The following ERN1 variants were observed in gnomAD, a reference collection of about 807,000 sequenced individuals.
ERN1 encodes the protein serine/threonine-protein kinase/endoribonuclease IRE1.
ERN1 carries 39 observed loss-of-function variants against 113.1 expected under a neutral mutation model. The ratio of observed to expected loss-of-function variants is 0.34; its 90% confidence interval spans 0.27 to 0.45. The LOEUF (loss-of-function observed/expected upper bound fraction) is 0.45. Ranked by LOEUF, ERN1 falls within the 20% of genes least tolerant of loss-of-function variation. The pLI is 1.00. For missense variants in ERN1, 976 were observed against 1,274.8 expected (o/e 0.77, Z 3.57); for synonymous variants, 507 against 515.9 (o/e 0.98, Z 0.23).
chr17:64,125,650 A>T (rs543268605), intron 1 of ERN1, among the ~76,000 whole-genome samples: 19 of 152,098 alleles, frequency 1.2e-4, no homozygotes, highest in Non-Finnish European at 2.2e-4. Flanking sequence ...CACCTTGCCC[A>T]GCTAATTTTT....
At chr17:64,119,116 T>C (rs1475279632) in intron 1 of ERN1, among the ~76,000 whole-genome samples, 1 of 152,140 alleles carries the variant, frequency 6.6e-6, no homozygotes, top group Non-Finnish European at 1.5e-5. Context: ...TTCTTAAGCC[T>C]CTTAATATAT....
intron 12 of ERN1, among the ~76,000 whole-genome samples, chr17:64,057,239 C>A (rs1912899290): frequency 6.6e-6 from 1 of 152,202 alleles, no homozygotes; most frequent in Non-Finnish European, 1.5e-5. Flanking sequence ...CATCTTTGAG[C>A]AAGGCTTATA....
chr17:64,070,421 A>G (rs1205402377), intron 6 of ERN1, among the ~76,000 whole-genome samples: 1 of 152,168 alleles, frequency 6.6e-6, no homozygotes, highest in Non-Finnish European at 1.5e-5. Context: ...GAACACCACA[A>G]TTTCACCTGA....
At chr17:64,089,236 G>A (rs1459097136) in intron 2 of ERN1, among the ~76,000 whole-genome samples, 1 of 148,452 alleles carries the variant, frequency 6.7e-6, no homozygotes, top group Admixed American at 6.8e-5. Context: ...GGAGAATGGC[G>A]TGAACCTGGG....
At chr17:64,065,311 A>G (rs1355343468) in intron 8 of ERN1, 24 bp from the exon 9 acceptor site, 1 of 1,532,070 alleles carries the variant, frequency 6.5e-7, no homozygotes, top group South Asian at 1.2e-5. Context: ...AGATACATGC[A>G]TTCCAGAGTC....
intron 1 of ERN1, among the ~76,000 whole-genome samples, chr17:64,120,493 C>T (rs1053315582): frequency 2.0e-5 from 3 of 152,124 alleles, no homozygotes; most frequent in African/African-American, 7.2e-5. Flanking sequence ...AAATAATCCA[C>T]TGGAGAATGG....
Position 64,054,482 on chromosome 17 carries a change from C to A in ERN1, c.1764-43G>T. 6.6e-7 allele frequency: 1 copy of A among 1,525,808 alleles called. No individual in the cohort carries two copies. Among genetic ancestry groups the A allele is most frequent in the South Asian group, 1.2e-5 (1 of 81,836 alleles). 94.5% of individuals were successfully genotyped at this position (1,525,808 alleles called of 1,614,324 possible). On this transcript the variant is annotated intron_variant, in intron 14 of 21. Coordinates refer to ENST00000433197, the MANE Select transcript of ERN1 (RefSeq NM_001433.5). This position sits in a 1 kb window ranked among gnomAD's most constrained non-coding sequence, Gnocchi z 4.9. ...GGAGTTGTGTCTGGGAAGCACGAGT[C>A]AGGCTGTGTAAATGAGGTGAGAACC...
chr17:64,048,116 T>A, intron 18 of ERN1, 131 bp from the exon 19 acceptor site: 1 of 895,110 alleles, frequency 1.1e-6, no homozygotes, highest in Non-Finnish European at 1.6e-6. Context: ...ATAAAATAAT[T>A]AGGAACAGAC....
At chr17:64,073,637 A>AT (rs1913499512) in intron 5 of ERN1, among the ~76,000 whole-genome samples, 1 of 152,152 alleles carries the variant, frequency 6.6e-6, no homozygotes, top group African/African-American at 2.4e-5. Context: ...GACTACAAGC[A>AT]TGTGCTACCA....
intron 12 of ERN1, 103 bp downstream of exon 12, chr17:64,057,699 A>G: frequency 8.9e-7 from 1 of 1,128,624 alleles, no homozygotes; most frequent in Non-Finnish European, 1.3e-6. Context: ...AAATGGGGAA[A>G]GAAATGTGCT....
rs180677202 is a variant in ERN1, at chr17:64,044,309, G to C, written c.2722-109C>G. 7.5e-4 allele frequency: 571 copies of C among 763,576 alleles called. 8 individuals carry two copies. In the Admixed American group the frequency reaches 0.016, roughly 22 times the overall value. The allele number at this position is 763,576 out of a possible 1,614,324, so 47.3% of individuals were successfully genotyped here. ...AGGAAGAGACAGAATGTGAGTGTTG[G>C]TTTTTGGTAAAGAAAAAGAAAAAAG... On this transcript the variant is annotated intron_variant, in intron 21 of 21. Coordinates refer to ENST00000433197, the MANE Select transcript of ERN1 (RefSeq NM_001433.5). This position sits in a 1 kb window ranked among gnomAD's most constrained non-coding sequence, Gnocchi z 4.1.
At chr17:64,093,001 G>A (rs1276517180) in intron 2 of ERN1, among the ~76,000 whole-genome samples, 1 of 152,102 alleles carries the variant, frequency 6.6e-6, no homozygotes, top group Non-Finnish European at 1.5e-5. Context: ...CAACCCAAAT[G>A]AGTTCCAGAA....
chr17:64,097,912 CTTCT>C, intron 2 of ERN1: 1 of 566,794 alleles, frequency 1.8e-6, no homozygotes, highest in Non-Finnish European at 3.0e-6. Flanking sequence ...ATAAAACGTG[CTTCT>C]TTAACTGATG....
In ERN1 at chr17:64,069,023, GA is replaced by G. The variant is rs1457892934; in HGVS notation, c.479-733del. Among the ~76,000 whole-genome samples, 3 of 152,246 alleles carry G rather than the reference GA, an allele frequency of 2.0e-5. No homozygotes were observed. In the East Asian group the frequency reaches 5.8e-4, roughly 29 times the overall value. The stretch of plus-strand genomic sequence containing the variant: ...AAGGGTCCAGGACTGAATATCGCTG[GA>G]AAAGATTCTCAATATAAAAAATAAC... On this transcript the variant is annotated intron_variant, in intron 6 of 21. Transcript: ENST00000433197.
Position 64,130,069 on chromosome 17 carries a change from G to A in ERN1, c.-40C>T. 7.4e-7 allele frequency: 1 copy of A among 1,360,232 alleles called. No individual in the cohort carries two copies. Among genetic ancestry groups the A allele is most frequent in the Non-Finnish European group, 9.4e-7 (1 of 1,062,704 alleles). 84.3% of individuals were successfully genotyped at this position (1,360,232 alleles called of 1,614,324 possible). On this transcript the variant is annotated 5_prime_UTR_variant, in exon 1 of 22. Coordinates refer to ENST00000433197, the MANE Select transcript of ERN1 (RefSeq NM_001433.5). The surrounding 1 kb of genome is among the most constrained non-coding windows in gnomAD (Gnocchi z 4.0). ...CCTGGCTCCGGGGGCGGTACGGACA[G>A]AGGACGGGGCGGGGGCGCCGCGACG...
Position 64,066,760 on chromosome 17 carries a change from G to C in ERN1, c.753C>G (p.Arg251=). Residue 251 remains arginine (R), a synonymous_variant, in exon 8 of 22, where the codon CGC becomes CGG. Transcript: ENST00000433197. The stretch of plus-strand genomic sequence containing the variant: ...CCTCCCCAGACATGAAGGTCAGATA[G>C]CGCAGGGTCTCCACAGCGACATTGA... ...MHINVAVETL[R]YLTFMSGEVG... 3 of 1,613,962 alleles carry C rather than the reference G, an allele frequency of 1.9e-6. No individual in the cohort carries two copies. The highest frequency in any genetic ancestry group is 2.5e-6 in the Non-Finnish European group (3 of 1,179,878).
Position 64,044,510 on chromosome 17 carries a change from T to C in ERN1, c.2722-310A>G, listed in dbSNP as rs955371926. Among the ~76,000 whole-genome samples the C allele has an allele frequency of 3.9e-5, 6 of 151,902 alleles. No homozygotes were observed. In the East Asian group the frequency reaches 1.2e-3, roughly 29 times the overall value. On this transcript the variant is annotated intron_variant, in intron 21 of 21. Transcript: ENST00000433197. The surrounding 1 kb of genome is among the most constrained non-coding windows in gnomAD (Gnocchi z 4.1). ...GGAGTAAAGTCGCCTGAGATTGGAG[T>C]GTCCGTCCCAGTGGGGTCCCCGCAT... is the stretch of plus-strand genomic sequence containing the variant.
At position 64,049,131 on chromosome 17, in the gene ERN1, A is replaced by G. The variant is rs1912604538; in HGVS notation, c.2325T>C (p.Phe775=). The change falls in exon 18 of 22, where the codon TTT becomes TTC. Residue 775 remains phenylalanine (F), a synonymous_variant. Coordinates refer to ENST00000433197, the MANE Select transcript of ERN1 (RefSeq NM_001433.5). This position sits in a 1 kb window ranked among gnomAD's most constrained non-coding sequence, Gnocchi z 4.7. ...TGGCCTGCCGCTGCAGGGACTTGCC[A>G]AAAGGGTGGCTGCCCTCAGAGATTA... The part of the protein sequence containing the change: ...YYVISEGSHP[F]GKSLQRQANI... 2.5e-6 allele frequency: 4 copies of G among 1,610,182 alleles called. No individual in the cohort carries two copies. The highest frequency in any genetic ancestry group is 2.2e-5 in the East Asian group (1 of 44,724).
At chr17:64,065,511 A>G (rs1913192976) in intron 8 of ERN1, among the ~76,000 whole-genome samples, 1 of 152,170 alleles carries the variant, frequency 6.6e-6, no homozygotes, top group East Asian at 1.9e-4. Flanking sequence ...CAAGCCACCT[A>G]ATGGCAAGCC....
Sources: gnomAD v4.1 joint callset for allele counts (sites outside exome capture counted in the v4.1 genomes callset) on GRCh38, gnomAD v4.1.1 for gene constraint, Gnocchi (gnomAD v3.1) non-coding constraint, MANE v1.5 for transcripts, NCBI Gene and HGNC (gene_info 2026-07-23, HGNC 2026-07-21) for gene names.